The following CLIC1 variants were observed in gnomAD, a reference collection of about 807,000 sequenced individuals.
CLIC1 encodes the protein chloride intracellular channel protein 1.
Under a neutral mutation model 26.4 loss-of-function variants are expected in CLIC1, and 16 were observed. The ratio of observed to expected loss-of-function variants is 0.61; its 90% CI spans 0.41 to 0.92. The LOEUF (loss-of-function observed/expected upper bound fraction) is 0.92. Ranked by LOEUF, CLIC1 falls within the 40% of genes least tolerant of loss-of-function variation. The probability of loss-of-function intolerance (pLI) is 0.00; values close to 1 mark genes in which losing one functional copy is unlikely to be tolerated. For missense variants in CLIC1, 225 were observed against 289.7 expected, an observed-to-expected ratio of 0.78 and a Z score of 1.62; for synonymous variants, 98 against 120.8, an observed-to-expected ratio of 0.81 and a Z score of 1.24.
Position 31,733,636 on chromosome 6 carries a change from G to A in CLIC1, c.312C>T (p.Asn104=). ...TGGCAAATATGTCCAGCCCAGCTGT[G>A]TTGGACTCAGGGTTCAGAGCTGCCA... Residue 104 remains asparagine (N), a synonymous_variant, in exon 4 of 6, where the codon AAC becomes AAT. Coordinates refer to ENST00000375784, the Ensembl canonical transcript of CLIC1. This position sits in a 1 kb window ranked among gnomAD's most constrained non-coding sequence, Gnocchi z 5.4. 6.2e-7 allele frequency: 1 copy of A among 1,613,066 alleles called. No individual in the cohort carries two copies. The highest frequency in any genetic ancestry group is 8.5e-7 in the Non-Finnish European group (1 of 1,179,998).
At chr6:31,735,807 C>CCACACACACACACACA (rs9281564) in intron 1 of CLIC1, among the ~76,000 whole-genome samples, 57 of 124,976 alleles carry the variant, frequency 4.6e-4, no homozygotes, top group East Asian at 4.2e-3. Flanking sequence ...GCGTCTCCAT[C>CCACACACACACACACA]CACACACACA....
At chr6:31,735,343 T>C (rs762118849) in intron 1 of CLIC1, among the ~76,000 whole-genome samples, 5 of 150,766 alleles carry the variant, frequency 3.3e-5, no homozygotes, top group Admixed American at 6.6e-5. Flanking sequence ...GTCCCAAGAC[T>C]GGGAAATGAA....
At chr6:31,731,494 G>A (rs191390923) in intron 5 of CLIC1, among the ~76,000 whole-genome samples, 147 of 152,296 alleles carry the variant, frequency 9.7e-4, no homozygotes, top group African/African-American at 2.9e-3. Context: ...TAGAGATGGG[G>A]TTTCACCATG....
At position 31,733,541 on chromosome 6, in the gene CLIC1, C is replaced by T; in HGVS notation, c.382+25G>A. 2 of 1,579,482 alleles carry T rather than the reference C, an allele frequency of 1.3e-6. No individual in the cohort carries two copies. Among genetic ancestry groups the T allele is most frequent in the South Asian group, 1.1e-5 (1 of 90,308 alleles). On this transcript the variant is annotated intron_variant, in intron 4 of 5. Transcript: ENST00000375784. The surrounding 1 kb of genome is among the most constrained non-coding windows in gnomAD (Gnocchi z 5.4). ...GGTCCTCTCTATTCCTCCCAGGACC[C>T]AGGCCTCTGACCCACAAGACTCACT...
chr6:31,732,818 C>T lies in CLIC1; in HGVS notation c.383-420G>A, dbSNP rs985688328. Among the ~76,000 whole-genome samples, 12 of 150,376 alleles carry T rather than the reference C, an allele frequency of 8.0e-5. No individual in the cohort carries two copies. The highest frequency in any genetic ancestry group is 2.7e-4 in the African/African-American group (11 of 41,166). On this transcript the variant is annotated intron_variant, in intron 4 of 5. Coordinates refer to ENST00000375784, the Ensembl canonical transcript of CLIC1. The surrounding 1 kb of genome is among the most constrained non-coding windows in gnomAD (Gnocchi z 5.0). ...TCGGCCTCCCAAAGTGAACACTTTA[C>T]ATTTTACAAACTCATTTATATCGCC...
chr6:31,732,343 G>C lies in CLIC1; in HGVS notation c.438C>G (p.Ser146=), dbSNP rs1808031563. ...TTTCATCCACTTCTTCTGGGAGGGG[G>C]GATGTTAAGTAATTGTCTAAAACCT... The change falls in exon 5 of 6, where the codon TCC becomes TCG. Residue 146 remains serine (S), a synonymous_variant. Coordinates refer to ENST00000375784, the Ensembl canonical transcript of CLIC1. This position sits in a 1 kb window ranked among gnomAD's most constrained non-coding sequence, Gnocchi z 5.0. 1 of 1,594,476 alleles carries C rather than the reference G, an allele frequency of 6.3e-7. No homozygotes were observed. The highest frequency in any genetic ancestry group is 1.4e-5 in the African/African-American group (1 of 74,060).
In CLIC1 at chr6:31,733,389, G is replaced by C. The variant is rs972735792; in HGVS notation, c.382+177C>G. Among the ~76,000 whole-genome samples the C allele has an allele frequency of 6.6e-6, 1 of 152,134 alleles. No homozygotes were observed. The highest frequency in any genetic ancestry group is 1.5e-5 in the Non-Finnish European group (1 of 68,024). On this transcript the variant is annotated intron_variant, in intron 4 of 5. Transcript: ENST00000375784. This position sits in a 1 kb window ranked among gnomAD's most constrained non-coding sequence, Gnocchi z 5.4. ...CAAATGAGAAAAGCTTAAAAGTCTTGGCCAATGAAAATGCAGGGAAATATA... is the reference window on the plus strand; with the variant it reads ...CAAATGAGAAAAGCTTAAAAGTCTTCGCCAATGAAAATGCAGGGAAATATA...
rs551406694 is a variant in CLIC1 at position 31,736,227 on chromosome 6, G to A, written c.39+35C>T. 1 of 1,611,382 alleles carries A rather than the reference G, an allele frequency of 6.2e-7. No homozygotes were observed. The highest frequency in any genetic ancestry group is 8.5e-7 in the Non-Finnish European group (1 of 1,178,608). On this transcript the variant is annotated intron_variant, in intron 1 of 5. Coordinates refer to ENST00000375784, the Ensembl canonical transcript of CLIC1. The surrounding 1 kb of genome is among the most constrained non-coding windows in gnomAD (Gnocchi z 5.0). ...GGGGAAAGGTGAGAGTTGGCTTCCA[G>A]GAATTTGGGTGGCTGAGGAGAGAAG...
In CLIC1 at chr6:31,733,432, G is replaced by T; in HGVS notation, c.382+134C>A. 1.5e-6 allele frequency: 1 copy of T among 658,128 alleles called. No individual in the cohort carries two copies. Among genetic ancestry groups the T allele is most frequent in the Non-Finnish European group, 2.7e-6 (1 of 370,642 alleles). 40.8% of individuals were successfully genotyped at this position (658,128 alleles called of 1,614,324 possible). A position where few individuals can be genotyped will look rare whatever the true frequency, so the allele number is the denominator to read the frequency against. ...GAAATATAGAGGTAAAGCAAAAATG[G>T]GAAGCTGGGGGAAATTTACGAACAT... On this transcript the variant is annotated intron_variant, in intron 4 of 5. Transcript: ENST00000375784. The surrounding 1 kb of genome is among the most constrained non-coding windows in gnomAD (Gnocchi z 5.4).
chr6:31,737,132 T>C, upstream of CLIC1: 1 of 169,932 alleles, frequency 5.9e-6, no homozygotes, highest in Non-Finnish European at 1.2e-5. Flanking sequence ...GCATAGGAAA[T>C]AGAGTTAGGG....
upstream of CLIC1, chr6:31,736,832 C>T (rs1414411185): frequency 1.0e-6 from 1 of 987,248 alleles, no homozygotes; most frequent in African/African-American, 1.7e-5. This position sits in a 1 kb window ranked among gnomAD's most constrained non-coding sequence, Gnocchi z 5.0. Context: ...GGGATGGGGA[C>T]TTCAAATGGA....
At chr6:31,735,816 C>CACACACACACAT (rs1402241742) in intron 1 of CLIC1, among the ~76,000 whole-genome samples, 4 of 147,430 alleles carry the variant, frequency 2.7e-5, no homozygotes, top group African/African-American at 1.0e-4. Context: ...TCCACACACA[C>CACACACACACAT]ACACACACAC....
rs1397459721 is a variant in CLIC1, at chr6:31,736,283, C to T, written c.18G>A (p.Pro6=). The T allele has an allele frequency of 2.5e-6, 4 of 1,612,458 alleles. No homozygotes were observed. Among genetic ancestry groups the T allele is most frequent in the South Asian group, 1.1e-5 (1 of 91,060 alleles). Residue 6 remains proline, a synonymous_variant, in exon 1 of 6, where the codon CCG becomes CCA. Transcript: ENST00000375784. The surrounding 1 kb of genome is among the most constrained non-coding windows in gnomAD (Gnocchi z 5.0). ...TTACCTTCACGAACAATTCGACCTG[C>T]GGTTGTTCTTCAGCCATGGTTGCGT... is the stretch of plus-strand genomic sequence containing the variant.
At chr6:31,731,001 C>G in exon 6 of CLIC1, 1 of 1,612,448 alleles carries the variant, frequency 6.2e-7, no homozygotes, top group South Asian at 1.1e-5. Flanking sequence ...TCTTACACAC[C>G]ACCTGAGGAT....
At chr6:31,736,877 G>A, upstream of CLIC1, 1 of 985,880 alleles carries the variant, frequency 1.0e-6, no homozygotes, top group Non-Finnish European at 1.2e-6. The surrounding 1 kb of genome is among the most constrained non-coding windows in gnomAD (Gnocchi z 5.0). Flanking sequence ...ATTTCTTCCA[G>A]ACTCCAATCC....
Position 31,734,156 on chromosome 6 carries a change from T to A in CLIC1, c.147A>T (p.Lys49Asn), listed in dbSNP as rs780731721. The change falls in exon 2 of 6, where the codon AAA becomes AAT. Residue 49 changes from lysine (K) to asparagine (N), a missense_variant and splice_region_variant. Coordinates refer to ENST00000375784, the Ensembl canonical transcript of CLIC1. The surrounding 1 kb of genome is among the most constrained non-coding windows in gnomAD (Gnocchi z 5.3). ...TCAAGGAACATAAGCAGGCCTACCT[T>A]TTGGTGTCAACGGTGGTAACATTGA... 3 of 1,612,704 alleles carry A rather than the reference T, an allele frequency of 1.9e-6. No individual in the cohort carries two copies.
upstream of CLIC1, chr6:31,736,672 T>C: frequency 5.5e-6 from 6 of 1,091,090 alleles, no homozygotes; most frequent in Non-Finnish European, 6.8e-6. The surrounding 1 kb of genome is among the most constrained non-coding windows in gnomAD (Gnocchi z 5.0). Context: ...TAAGGAGGAG[T>C]CCTGAAAACC....
rs541733100 is a variant in CLIC1 at position 31,731,022 on chromosome 6, G to C, written c.565-19C>G. The stretch of plus-strand genomic sequence containing the variant: ...ACACCACCTGAGGATGGGGAGAGGA[G>C]AGGGACCAACATGTTAGACCCAGGG... On this transcript the variant is annotated intron_variant, in intron 5 of 5. Coordinates refer to ENST00000375784, the Ensembl canonical transcript of CLIC1. 7.3e-5 allele frequency: 117 copies of C among 1,610,406 alleles called. 1 individual carries two copies. In the Admixed American group the frequency reaches 1.3e-3, roughly 18 times the overall value.
intron 1 of CLIC1, among the ~76,000 whole-genome samples, chr6:31,735,941 C>G (rs900173767): frequency 1.3e-5 from 2 of 152,068 alleles, no homozygotes; most frequent in Admixed American, 1.3e-4. Flanking sequence ...CTGCTGGGCC[C>G]CCACTGTCCC....
Sources: allele counts gnomAD v4.1 joint callset (sites outside exome capture counted in the v4.1 genomes callset), GRCh38; gene constraint gnomAD v4.1.1; non-coding constraint Gnocchi (gnomAD v3.1); transcripts MANE v1.5; gene names NCBI Gene and HGNC (gene_info 2026-07-23, HGNC 2026-07-21).